LRIF1: variants seen among roughly 807,000 people sequenced by gnomAD.
The protein encoded by LRIF1 is ligand dependent nuclear receptor interacting factor 1.
A neutral mutation model predicts 52.7 loss-of-function variants in LRIF1; 32 were observed. The ratio of observed to expected loss-of-function variants is 0.61; its 90% CI spans 0.46 to 0.82. LRIF1 has a LOEUF of 0.82. Ranked by LOEUF, LRIF1 falls within the 40% of genes least tolerant of loss-of-function variation. The pLI is 0.00. For missense variants in LRIF1, 887 were observed against 892.0 expected, an observed-to-expected ratio of 0.99 and a Z score of 0.07; for synonymous variants, 323 against 317.4, an observed-to-expected ratio of 1.02 and a Z score of -0.19.
the LRIF1 span, among the ~76,000 whole-genome samples, chr1:110,908,901 T>G: frequency 6.6e-6 from 1 of 152,214 alleles, no homozygotes; most frequent in African/African-American, 2.4e-5. Flanking sequence ...CTGTAAGATA[T>G]TATGCAAGAT....
the LRIF1 span, among the ~76,000 whole-genome samples, chr1:110,930,855 A>T: frequency 1.3e-5 from 2 of 152,172 alleles, no homozygotes; most frequent in African/African-American, 4.8e-5. Context: ...CCTATTCAAA[A>T]CCAGCAATCT....
chr1:110,881,840 A>G, the LRIF1 span, among the ~76,000 whole-genome samples: 3 of 152,096 alleles, frequency 2.0e-5, no homozygotes, highest in South Asian at 6.2e-4. Context: ...CATGGTTTTA[A>G]TTTGCATTTC....
intron 1 of LRIF1, among the ~76,000 whole-genome samples, chr1:110,960,396 C>T (rs184188525): frequency 1.1e-4 from 17 of 152,244 alleles, no homozygotes; most frequent in Admixed American, 7.2e-4. Context: ...GCATACTGAA[C>T]TGACAATGAA....
chr1:110,931,757 A>G, the LRIF1 span, among the ~76,000 whole-genome samples: 1 of 151,936 alleles, frequency 6.6e-6, no homozygotes, highest in Non-Finnish European at 1.5e-5. Context: ...ATTTTTTCAT[A>G]TGTTTGTTGG....
chr1:110,948,389 T>A lies in LRIF1; in HGVS notation c.1880A>T (p.Asp627Val). Residue 627 changes from aspartate (D) to valine (V), a missense_variant, in exon 4 of 4, where the codon GAT (aspartate) becomes GTT (valine). Physicochemically the swap from Asp to Val is radical, Grantham distance 152 (BLOSUM62 -3). Coordinates refer to ENST00000369763, the MANE Select transcript of LRIF1 (RefSeq NM_018372.4). ...ATTAGTTTTTGCTTTTCTTTTCTTA[T>A]CAAAATTCTGCTGCAATATTGAATA... ...KEGERKQQNF[D>V]KKRKAKTNKK... 1.2e-6 allele frequency: 2 copies of A among 1,609,422 alleles called. No homozygotes were observed. The highest frequency in any genetic ancestry group is 1.7e-6 in the Non-Finnish European group (2 of 1,177,536).
At chr1:110,945,777 A>AT, downstream of LRIF1, among the ~76,000 whole-genome samples, 1 of 152,102 alleles carries the variant, frequency 6.6e-6, no homozygotes, top group East Asian at 1.9e-4. Flanking sequence ...ATGTTTCAAC[A>AT]TTTTTCAAAG....
At chr1:110,957,034 G>T (rs557153340) in intron 1 of LRIF1, among the ~76,000 whole-genome samples, 1 of 152,096 alleles carries the variant, frequency 6.6e-6, no homozygotes, top group African/African-American at 2.4e-5. Flanking sequence ...AGTTTCCACT[G>T]TGTACAACCT....
Position 110,950,124 on chromosome 1 carries a change from C to T in LRIF1, c.1597-1G>A. On this transcript the variant is annotated splice_acceptor_variant, in intron 2 of 3. Transcript: ENST00000369763. LOFTEE classifies it high-confidence loss of function. Reference sequence around the variant, plus strand: ...ATGTTGATGCCATCTCATTATGGATCTGGAATTAGGAAAAGAAAACACACA... The same window carrying T: ...ATGTTGATGCCATCTCATTATGGATTTGGAATTAGGAAAAGAAAACACACA... 1.9e-6 allele frequency: 3 copies of T among 1,602,792 alleles called. No individual in the cohort carries two copies. Among genetic ancestry groups the T allele is most frequent in the Non-Finnish European group, 2.6e-6 (3 of 1,174,008 alleles).
chr1:110,892,465 A>C, the LRIF1 span: 1 of 1,613,932 alleles, frequency 6.2e-7, no homozygotes, highest in Non-Finnish European at 8.5e-7. Flanking sequence ...CGTGGGCTCT[A>C]TTATCATGGT....
At chr1:110,897,698 G>GC in the LRIF1 span, 5 of 614,900 alleles carry the variant, frequency 8.1e-6, no homozygotes, top group South Asian at 1.1e-4. Context: ...TAATACCTAA[G>GC]CCTCTTTGTA....
At chr1:110,915,357 A>G in the LRIF1 span, among the ~76,000 whole-genome samples, 6 of 151,954 alleles carry the variant, frequency 3.9e-5, no homozygotes, top group Middle Eastern at 3.2e-3. Context: ...GCGCGGTGGC[A>G]GGCGCCTGTA....
the LRIF1 span, among the ~76,000 whole-genome samples, chr1:110,924,448 C>T: frequency 6.6e-6 from 1 of 152,158 alleles, no homozygotes; most frequent in Non-Finnish European, 1.5e-5. Flanking sequence ...AATTTACAAT[C>T]ATGGCAGAGG....
chr1:110,953,422 T>C (rs1344164535), intron 1 of LRIF1, among the ~76,000 whole-genome samples: 2 of 152,240 alleles, frequency 1.3e-5, no homozygotes. Flanking sequence ...TGAGGTTTAG[T>C]GCTACATAGT....
At chr1:110,902,587 A>G in the LRIF1 span, among the ~76,000 whole-genome samples, 1 of 152,120 alleles carries the variant, frequency 6.6e-6, no homozygotes, top group Non-Finnish European at 1.5e-5. Flanking sequence ...AGGCATTAAA[A>G]ACAGTGATCT....
rs754863058 is a variant in LRIF1, at chr1:110,951,568, T to C, written c.1316A>G (p.Asn439Ser). 4.3e-6 allele frequency: 7 copies of C among 1,614,140 alleles called. No individual in the cohort carries two copies. Among genetic ancestry groups the C allele is most frequent in the Non-Finnish European group, 5.9e-6 (7 of 1,180,006 alleles). The change falls in exon 2 of 4, where the codon AAT becomes AGT. Residue 439 changes from asparagine to serine, a missense_variant. Physicochemically the swap from Asn to Ser is conservative, Grantham distance 46 (BLOSUM62 1). Coordinates refer to ENST00000369763, the MANE Select transcript of LRIF1 (RefSeq NM_018372.4). Reference protein sequence around the residue: ...LSNTQLASMANLRAEKNKVEK... With the variant: ...LSNTQLASMASLRAEKNKVEK... ...CACTTTATTCTTCTCTGCCCTTAGA[T>C]TGGCCATGGAAGCAAGCTGGGTATT...
At chr1:110,944,696 A>T (rs969201151), downstream of LRIF1, 3 of 152,208 alleles carry the variant, frequency 2.0e-5, no homozygotes, top group African/African-American at 7.2e-5. Context: ...CTGGTCTCTA[A>T]ATCAATGTCA....
Position 110,948,042 on chromosome 1 carries a change from CA to C in LRIF1, c.2226del (p.Asp742GlufsTer4). ...ACCTGCTTAAGTCTTCTTATTTTTTCATCTCGAATGGTTTCTTCTAACTCCG... is the reference window on the plus strand; with the variant it reads ...ACCTGCTTAAGTCTTCTTATTTTTTCTCTCGAATGGTTTCTTCTAACTCCG... ...TPPELEETIR[D>X]EKIRRLKQVL... is the part of the protein sequence containing the mutation. On this transcript the variant is annotated frameshift_variant, in exon 4 of 4. Transcript: ENST00000369763. LOFTEE classifies it high-confidence loss of function. 2 of 1,613,166 alleles carry C rather than the reference CA, an allele frequency of 1.2e-6. No individual in the cohort carries two copies. Among genetic ancestry groups the C allele is most frequent in the Non-Finnish European group, 1.7e-6 (2 of 1,179,782 alleles).
intron 1 of LRIF1, among the ~76,000 whole-genome samples, chr1:110,962,813 A>T (rs1002025696): frequency 2.6e-5 from 4 of 151,912 alleles, no homozygotes; most frequent in Non-Finnish European, 5.9e-5. Context: ...TGCAGACCCT[A>T]TTTTTTCCTC....
the LRIF1 span, among the ~76,000 whole-genome samples, chr1:110,898,140 G>A: frequency 1.7e-4 from 26 of 152,262 alleles, 2 homozygotes; most frequent in African/African-American, 5.5e-4. Flanking sequence ...CACTTTGGGA[G>A]GCTGAGGCAG....
Sources: allele counts gnomAD v4.1 joint callset (sites outside exome capture counted in the v4.1 genomes callset), GRCh38; gene constraint gnomAD v4.1.1; transcripts MANE v1.5; gene names NCBI Gene and HGNC (gene_info 2026-07-23, HGNC 2026-07-21).